Variants in SLC41A3 observed in about 807,000 individuals in gnomAD.
SLC41A3 encodes the protein solute carrier family 41 member 3.
SLC41A3 carries 44 observed loss-of-function variants against 45.4 expected under a neutral mutation model. The ratio of observed to expected loss-of-function variants is 0.97; its 90% CI spans 0.76 to 1.25. The LOEUF (loss-of-function observed/expected upper bound fraction) is 1.25. Among genes scored for constraint, SLC41A3 ranks in the 50% most tolerant of loss-of-function variants. The pLI, the probability that SLC41A3 is intolerant of heterozygous loss-of-function variation, is 0.00. For synonymous variants in SLC41A3, 256 were observed against 252.4 expected, an observed-to-expected ratio of 1.01 and a Z score of -0.13; for missense variants, 550 against 600.6, an observed-to-expected ratio of 0.92 and a Z score of 0.88.
chr3:126,046,765 C>A (rs1318435975), intron 3 of SLC41A3, among the ~76,000 whole-genome samples: 1 of 138,530 alleles, frequency 7.2e-6, no homozygotes, highest in Non-Finnish European at 1.6e-5. Flanking sequence ...AGTTCAAGAC[C>A]AGCCTGGCCA....
chr3:126,086,408 G>GC (rs776330275), upstream of SLC41A3, among the ~76,000 whole-genome samples: 2 of 21,184 alleles, frequency 9.4e-5, no homozygotes, highest in African/African-American at 2.7e-4. Flanking sequence ...TTGTTTTCTT[G>GC]TTTTTTTTTT....
intron 1 of SLC41A3, chr3:126,070,481 T>C (rs762885694): frequency 1.3e-5 from 2 of 152,062 alleles, no homozygotes; most frequent in Non-Finnish European, 2.9e-5. Flanking sequence ...CATCGAAAAA[T>C]TGTCTTCAAC....
chr3:126,018,015 C>T (rs555458928), intron 6 of SLC41A3, among the ~76,000 whole-genome samples: 7 of 152,268 alleles, frequency 4.6e-5, no homozygotes, highest in Non-Finnish European at 7.4e-5. Flanking sequence ...CACAAGCACC[C>T]CCAGGGCCTG....
intron 4 of SLC41A3, among the ~76,000 whole-genome samples, chr3:126,029,178 T>C (rs186277102): frequency 6.6e-6 from 1 of 152,238 alleles, no homozygotes; most frequent in African/African-American, 2.4e-5. Context: ...GGGCCAGGGG[T>C]GAAATTATAT....
chr3:126,007,907 G>A (rs1235410814), intron 10 of SLC41A3, among the ~76,000 whole-genome samples: 2 of 152,228 alleles, frequency 1.3e-5, no homozygotes, highest in Non-Finnish European at 2.9e-5. Context: ...GGGACCATCA[G>A]CCCGCTGCAG....
chr3:126,044,209 A>C (rs1172812723), intron 3 of SLC41A3, among the ~76,000 whole-genome samples: 1 of 152,250 alleles, frequency 6.6e-6, no homozygotes, highest in Admixed American at 6.5e-5. Flanking sequence ...ACAAAGAAAG[A>C]CATTATGCAA....
chr3:126,013,204 AAG>A (rs2107655902), intron 8 of SLC41A3, among the ~76,000 whole-genome samples: 1 of 152,188 alleles, frequency 6.6e-6, no homozygotes, highest in East Asian at 1.9e-4. Context: ...GAGAAAATGA[AAG>A]TGATTTTTTT....
Position 126,007,004 on chromosome 3 carries a change from A to G in SLC41A3, c.*12T>C. On this transcript the variant is annotated 3_prime_UTR_variant, in exon 11 of 11. Coordinates refer to ENST00000360370, the MANE Select transcript of SLC41A3 (RefSeq NM_017836.4). ...GAAATTCTAATGAGCAAATGGGACCAGCGGGGCCCAGTTAGGGAGGTCCAG... is the reference window on the plus strand; with the variant it reads ...GAAATTCTAATGAGCAAATGGGACCGGCGGGGCCCAGTTAGGGAGGTCCAG... 1 of 1,614,112 alleles carries G rather than the reference A, an allele frequency of 6.2e-7. No homozygotes were observed. Among genetic ancestry groups the G allele is most frequent in the South Asian group, 1.1e-5 (1 of 91,086 alleles).
In SLC41A3 at chr3:126,094,035, A is replaced by T. The variant is rs532380415; in HGVS notation, c.-79+7394T>A. The stretch of plus-strand genomic sequence containing the variant: ...TATATTTTGCATTGTGAAGGGCCTG[A>T]TGGACAACCTGGGACCATTCAACCA... On this transcript the variant is annotated intron_variant, in intron 1 of 9. Coordinates refer to the SLC41A3 transcript ENST00000508835. Among the ~76,000 whole-genome samples, 3 of 152,330 alleles carry T rather than the reference A, an allele frequency of 2.0e-5. No homozygotes were observed. In the South Asian group the frequency reaches 6.2e-4, roughly 32 times the overall value.
intron 1 of SLC41A3, among the ~76,000 whole-genome samples, chr3:126,069,311 C>A (rs1050896417): frequency 1.3e-5 from 2 of 151,942 alleles, no homozygotes; most frequent in Non-Finnish European, 2.9e-5. Flanking sequence ...GCACACAGAG[C>A]CACTGGGTAA....
intron 1 of SLC41A3, chr3:126,095,340 C>G: frequency 1.8e-6 from 1 of 569,850 alleles, no homozygotes; most frequent in South Asian, 2.3e-5. Context: ...CTGTCACAAG[C>G]AACACCTGTT....
At chr3:126,027,815 G>C (rs1392721895) in intron 4 of SLC41A3, among the ~76,000 whole-genome samples, 4 of 152,194 alleles carry the variant, frequency 2.6e-5, no homozygotes, top group South Asian at 4.1e-4. Flanking sequence ...TCGGAAACTG[G>C]AGCAAAGGTT....
chr3:126,038,010 G>A (rs1393933813), intron 3 of SLC41A3, among the ~76,000 whole-genome samples: 3 of 152,188 alleles, frequency 2.0e-5, no homozygotes, highest in South Asian at 2.1e-4. Flanking sequence ...GTACAGCTTC[G>A]GCTGCTGCTT....
chr3:126,022,701 A>G, intron 6 of SLC41A3, 85 bp downstream of exon 6: 1 of 1,520,452 alleles, frequency 6.6e-7, no homozygotes, highest in South Asian at 1.2e-5. Context: ...TGGGTGCAAA[A>G]GTACCCACTC....
chr3:126,042,044 T>A (rs766234217), intron 3 of SLC41A3, among the ~76,000 whole-genome samples: 1 of 152,236 alleles, frequency 6.6e-6, no homozygotes, highest in Non-Finnish European at 1.5e-5. Context: ...TAGAACCTGC[T>A]GGCTATCCTC....
At chr3:126,085,905 A>G (rs559123034), upstream of SLC41A3, among the ~76,000 whole-genome samples, 1 of 152,158 alleles carries the variant, frequency 6.6e-6, no homozygotes, top group Non-Finnish European at 1.5e-5. Flanking sequence ...TGGCTTGTCC[A>G]GGAATGCATA....
At chr3:126,032,914 T>C (rs540528426) in intron 4 of SLC41A3, among the ~76,000 whole-genome samples, 2 of 152,226 alleles carry the variant, frequency 1.3e-5, no homozygotes, top group East Asian at 3.9e-4. Context: ...GGGTCTAGGA[T>C]AAAGCTACCT....
intron 1 of SLC41A3, among the ~76,000 whole-genome samples, chr3:126,078,084 G>A (rs1944966104): frequency 6.6e-6 from 1 of 152,072 alleles, no homozygotes; most frequent in Admixed American, 6.5e-5. Flanking sequence ...CAATGCCAGG[G>A]GCAGAAAATG....
chr3:126,040,074 G>C (rs182055240), intron 3 of SLC41A3, among the ~76,000 whole-genome samples: 1 of 152,230 alleles, frequency 6.6e-6, no homozygotes, highest in Non-Finnish European at 1.5e-5. Flanking sequence ...CAAAAAGTAA[G>C]GGAGTGCCCA....
Sources: allele counts gnomAD v4.1 joint callset (sites outside exome capture counted in the v4.1 genomes callset), GRCh38; gene constraint gnomAD v4.1.1; transcripts MANE v1.5; gene names NCBI Gene and HGNC (gene_info 2026-07-23, HGNC 2026-07-21).